NAV2: variants seen among roughly 807,000 people sequenced by gnomAD.
NAV2 encodes helicase, APC down-regulated 1.
A neutral mutation model predicts 223.2 loss-of-function variants in NAV2; 54 were observed. The observed-to-expected ratio is 0.24, with a 90% CI of 0.19 to 0.30. The LOEUF is 0.30. Ranked by LOEUF, NAV2 falls within the 10% of genes least tolerant of loss-of-function variation. NAV2 has a pLI of 1.00. For synonymous variants in NAV2, 1,279 were observed against 1,239.3 expected (o/e 1.03, Z -0.67); for missense variants, 2,806 against 3,147.5 (o/e 0.89, Z 2.60).
chr11:19,459,621 G>T (rs1055126561), intron 1 of NAV2, among the ~76,000 whole-genome samples: 1 of 152,340 alleles, frequency 6.6e-6, no homozygotes, highest in South Asian at 2.1e-4. Context: ...CATCTAAGAT[G>T]TTCAAGGAAT....
At chr11:19,753,053 C>T (rs1160874700) in intron 1 of NAV2, among the ~76,000 whole-genome samples, 5 of 152,186 alleles carry the variant, frequency 3.3e-5, no homozygotes, top group Non-Finnish European at 7.3e-5. Flanking sequence ...AAGACAACTG[C>T]CTGTGAATCA....
At chr11:19,367,406 G>A (rs1848322884) in intron 1 of NAV2, among the ~76,000 whole-genome samples, 1 of 152,144 alleles carries the variant, frequency 6.6e-6, no homozygotes, top group Admixed American at 6.5e-5. Context: ...ACTTGAAAAT[G>A]AGCTTTTCAA....
At chr11:20,073,556 A>G (rs1423784245) in intron 22 of NAV2, among the ~76,000 whole-genome samples, 1 of 152,146 alleles carries the variant, frequency 6.6e-6, no homozygotes, top group African/African-American at 2.4e-5. Context: ...ATGTGAATCC[A>G]TCTAGTTCTG....
intron 1 of NAV2, among the ~76,000 whole-genome samples, chr11:19,830,903 G>A (rs543014171): frequency 1.1e-4 from 16 of 152,192 alleles, no homozygotes; most frequent in Admixed American, 2.6e-4. Flanking sequence ...TTACTGGATC[G>A]TTGGTCTCTG....
At chr11:20,110,855 G>C (rs1039038646) in intron 36 of NAV2, among the ~76,000 whole-genome samples, 1 of 152,188 alleles carries the variant, frequency 6.6e-6, no homozygotes, top group African/African-American at 2.4e-5. Flanking sequence ...TTGCAGTTCA[G>C]AGTGAGGTTC....
chr11:19,489,860 A>G (rs1244439296), intron 1 of NAV2, among the ~76,000 whole-genome samples: 2 of 152,166 alleles, frequency 1.3e-5, no homozygotes, highest in African/African-American at 2.4e-5. Context: ...TGGGATATAC[A>G]TTCTTCTTTA....
rs143520282 is a variant in NAV2, at chr11:19,853,281, G to A, written c.438+10358G>A. On this transcript the variant is annotated intron_variant, in intron 3 of 37. Coordinates refer to ENST00000349880, the MANE Select transcript of NAV2 (RefSeq NM_145117.5). Reference sequence around the variant, plus strand: ...CTGAGTTAAGTAACAAAGCCTCTTTGCTGGGATATGACTGAGCAAACATGC... The same window carrying A: ...CTGAGTTAAGTAACAAAGCCTCTTTACTGGGATATGACTGAGCAAACATGC... 2.8e-4 allele frequency among the ~76,000 whole-genome samples: 43 copies of A among 152,322 alleles called. 2 individuals are homozygous for A. In the East Asian group the frequency reaches 8.1e-3, roughly 29 times the overall value.
At chr11:19,733,582 A>T (rs1359759218) in intron 1 of NAV2, among the ~76,000 whole-genome samples, 2 of 152,164 alleles carry the variant, frequency 1.3e-5, no homozygotes, top group African/African-American at 4.8e-5. Context: ...ATAACATGGG[A>T]CTGAGACTTC....
At chr11:19,895,018 C>T (rs1188841479) in intron 6 of NAV2, among the ~76,000 whole-genome samples, 1 of 152,012 alleles carries the variant, frequency 6.6e-6, no homozygotes, top group East Asian at 1.9e-4. Context: ...GCGTGAGCCA[C>T]TGTGCCCGGC....
At chr11:19,831,576 C>A (rs1429833097) in intron 1 of NAV2, among the ~76,000 whole-genome samples, 1 of 152,200 alleles carries the variant, frequency 6.6e-6, no homozygotes, top group Non-Finnish European at 1.5e-5. Context: ...CAAGTCCATG[C>A]ATGGAACTTG....
In NAV2 at chr11:20,110,516, C is replaced by T. The variant is rs189157456; in HGVS notation, c.6960+2734C>T. Among the ~76,000 whole-genome samples the T allele has an allele frequency of 2.8e-3, 419 of 152,248 alleles. 6 individuals are homozygous for T. Among genetic ancestry groups the T allele is most frequent in the African/African-American group, 9.7e-3 (402 of 41,536 alleles). The stretch of plus-strand genomic sequence containing the variant: ...AGATGAGGAAACTGAGGCTCACGGA[C>T]GTTCTTGCCCCGTACCATGTCCACT... On this transcript the variant is annotated intron_variant, in intron 36 of 37. Coordinates refer to ENST00000349880, the MANE Select transcript of NAV2 (RefSeq NM_145117.5).
At chr11:19,395,702 C>T (rs1386108992) in intron 1 of NAV2, among the ~76,000 whole-genome samples, 1 of 152,226 alleles carries the variant, frequency 6.6e-6, no homozygotes, top group African/African-American at 2.4e-5. Context: ...ACACTGATGG[C>T]TCTGGGATTG....
chr11:19,982,020 A>G (rs754934931), intron 10 of NAV2, among the ~76,000 whole-genome samples: 3 of 152,206 alleles, frequency 2.0e-5, no homozygotes, highest in Non-Finnish European at 4.4e-5. Flanking sequence ...ACAGCATTTA[A>G]TAAGCACCTA....
At chr11:19,349,873 G>T (rs976189530), upstream of NAV2, among the ~76,000 whole-genome samples, 6 of 152,090 alleles carry the variant, frequency 3.9e-5, no homozygotes, top group Non-Finnish European at 8.8e-5. Context: ...TGCTCTATCT[G>T]CAGATTCCCA....
At chr11:19,709,343 C>G (rs560025803), upstream of NAV2, among the ~76,000 whole-genome samples, 1 of 151,596 alleles carries the variant, frequency 6.6e-6, no homozygotes, top group Admixed American at 6.6e-5. Flanking sequence ...GAGGTCGAGA[C>G]CATCCTGGCT....
intron 1 of NAV2, among the ~76,000 whole-genome samples, chr11:19,386,244 C>G (rs571018518): frequency 6.6e-5 from 10 of 152,300 alleles, no homozygotes; most frequent in African/African-American, 2.2e-4. Context: ...AGGAACAGCT[C>G]TGAAGTGAAA....
At position 20,109,200 on chromosome 11, in the gene NAV2, G is replaced by C. The variant is rs553443298; in HGVS notation, c.6960+1418G>C. On this transcript the variant is annotated intron_variant, in intron 36 of 37. Transcript: ENST00000349880. ...ATTCAGGACAAAGGGAGCTTGAAAA[G>C]GAAAGTATTTTGCCTCTTGTGATAT... Among the ~76,000 whole-genome samples the C allele has an allele frequency of 7.9e-5, 12 of 152,310 alleles. No individual in the cohort carries two copies. The South Asian group carries it at 2.5e-3, about 32-fold the overall frequency.
intron 1 of NAV2, among the ~76,000 whole-genome samples, chr11:19,825,291 C>CAAAAA (rs58499844): frequency 6.2e-5 from 3 of 48,206 alleles, no homozygotes; most frequent in African/African-American, 1.9e-4. Flanking sequence ...GACTCTGTCT[C>CAAAAA]AAAAAAAAAA....
In NAV2 at chr11:19,409,409, G is replaced by C. The variant is rs191050647; in HGVS notation, c.75+58382G>C. ...CTCATCACTCCCAGTCACTCTCTAA[G>C]CACTCAGCCTTGCTCTTGGGTGGTG... On this transcript the variant is annotated intron_variant, in intron 1 of 37. Transcript: ENST00000360655. Among the ~76,000 whole-genome samples, 321 of 152,248 alleles carry C rather than the reference G, an allele frequency of 2.1e-3. 2 individuals are homozygous for C. The highest frequency in any genetic ancestry group is 7.4e-3 in the African/African-American group (309 of 41,542).
Sources: allele counts gnomAD v4.1 joint callset (sites outside exome capture counted in the v4.1 genomes callset), GRCh38; gene constraint gnomAD v4.1.1; transcripts MANE v1.5; gene names NCBI Gene and HGNC (gene_info 2026-07-23, HGNC 2026-07-21).